CEP112: variants seen among roughly 807,000 people sequenced by gnomAD.
The protein encoded by CEP112 is centrosomal protein 112, also known as centrosomal protein of 112 kDa.
In CEP112, 127 loss-of-function variants were observed where a neutral mutation model predicts 153.0. The observed-to-expected ratio is 0.83, with a 90% CI of 0.72 to 0.96. The LOEUF (loss-of-function observed/expected upper bound fraction) is 0.96. CEP112 is among the 40% of genes least tolerant of loss of function. The probability of loss-of-function intolerance (pLI) is 0.00; values close to 1 mark genes in which losing one functional copy is unlikely to be tolerated. For synonymous variants in CEP112, 358 were observed against 374.4 expected (o/e 0.96, Z 0.51); for missense variants, 1,089 against 1,101.2 (o/e 0.99, Z 0.16).
chr17:66,142,468 C>T lies in CEP112; in HGVS notation c.471-9705G>A, dbSNP rs114952602. Among the ~76,000 whole-genome samples, 1,267 of 152,212 alleles carry T rather than the reference C, an allele frequency of 8.3e-3. 16 individuals carry two copies. Among genetic ancestry groups the T allele is most frequent in the African/African-American group, 0.029 (1,208 of 41,532 alleles). On this transcript the variant is annotated intron_variant, in intron 4 of 26. Transcript: ENST00000535342. The stretch of plus-strand genomic sequence containing the variant: ...CTTTCCCCCTACGTTTTCTTCTAGT[C>T]GTTTACAGTTTCAGATCTTATGTTT...
At chr17:65,890,082 T>C (rs1002780384) in intron 20 of CEP112, among the ~76,000 whole-genome samples, 1 of 152,222 alleles carries the variant, frequency 6.6e-6, no homozygotes, top group Non-Finnish European at 1.5e-5. Flanking sequence ...AAGTAAGTAT[T>C]TTTAAAGACA....
Position 66,132,757 on chromosome 17 carries a change from T to TC in CEP112, c.476_477insG (p.Gln160ThrfsTer30). On this transcript the variant is annotated frameshift_variant, in exon 5 of 27. Transcript: ENST00000535342. LOFTEE classifies it high-confidence loss of function. ...TCACTCGGAGCTTCCCAGTGTACTG[T>TC]TCCCTGCTAAGAGACCAAAATAATC... 6.2e-7 allele frequency: 1 copy of TC among 1,611,750 alleles called. No homozygotes were observed. The highest frequency in any genetic ancestry group is 2.2e-5 in the East Asian group (1 of 44,874).
Position 66,175,112 on chromosome 17 carries a change from T to C in CEP112, c.402A>G (p.Leu134=). The change falls in exon 4 of 27, where the codon TTA becomes TTG. Residue 134 remains leucine, a synonymous_variant. Transcript: ENST00000535342. ...CAGAAGAGAGTTTCCATGATTCATT[T>C]AATTTGTGTTCACTTGTCTCCAGCT... is the stretch of plus-strand genomic sequence containing the variant. ...LGELETSEHK[L]NESWKLSSGE... The C allele has an allele frequency of 6.2e-7, 1 of 1,613,436 alleles. No individual in the cohort carries two copies. Among genetic ancestry groups the C allele is most frequent in the Non-Finnish European group, 8.5e-7 (1 of 1,179,672 alleles).
chr17:65,760,226 C>T (rs1366957110), intron 21 of CEP112, among the ~76,000 whole-genome samples: 1 of 152,102 alleles, frequency 6.6e-6, no homozygotes, highest in African/African-American at 2.4e-5. Context: ...CTATTTCTTC[C>T]TTTCCAATCT....
intron 23 of CEP112, among the ~76,000 whole-genome samples, chr17:65,711,050 A>G (rs539135531): frequency 6.6e-6 from 1 of 152,350 alleles, no homozygotes; most frequent in African/African-American, 2.4e-5. Flanking sequence ...TGGGTGGCGA[A>G]CTGGAGCTTC....
chr17:66,015,374 C>T (rs1044705193), intron 16 of CEP112, among the ~76,000 whole-genome samples: 2 of 132,236 alleles, frequency 1.5e-5, no homozygotes, highest in Non-Finnish European at 3.3e-5. Context: ...AGTACTTTTT[C>T]GTTCTTGAGT....
At chr17:65,708,983 G>A (rs1257378986) in intron 23 of CEP112, among the ~76,000 whole-genome samples, 3 of 152,078 alleles carry the variant, frequency 2.0e-5, no homozygotes. Context: ...GTTCTCCTCT[G>A]GGAGTATCCC....
At chr17:65,647,091 A>T (rs909614607) in intron 24 of CEP112, among the ~76,000 whole-genome samples, 19 of 152,184 alleles carry the variant, frequency 1.2e-4, no homozygotes, top group African/African-American at 4.3e-4. Context: ...AGTGAAGGAT[A>T]CATGTAAATT....
chr17:65,691,339 T>C (rs1392496349), intron 23 of CEP112, among the ~76,000 whole-genome samples: 1 of 152,202 alleles, frequency 6.6e-6, no homozygotes, highest in African/African-American at 2.4e-5. Context: ...TCTTAACCTT[T>C]TGGGAGGTTC....
At chr17:65,995,663 T>C (rs1418931619) in intron 17 of CEP112, among the ~76,000 whole-genome samples, 1 of 152,202 alleles carries the variant, frequency 6.6e-6, no homozygotes, top group Non-Finnish European at 1.5e-5. Context: ...AATTTATCTC[T>C]CAAGTTTTAT....
intron 4 of CEP112, among the ~76,000 whole-genome samples, chr17:66,137,170 G>T (rs2070471586): frequency 6.6e-6 from 1 of 152,078 alleles, no homozygotes; most frequent in African/African-American, 2.4e-5. Flanking sequence ...AGAAAAATTT[G>T]AGGGCTGAAG....
chr17:65,739,707 G>A (rs1012801803), intron 23 of CEP112, among the ~76,000 whole-genome samples: 14 of 151,920 alleles, frequency 9.2e-5, no homozygotes, highest in Non-Finnish European at 1.9e-4. Context: ...CTGCACTCCA[G>A]CCTGGGCAAC....
At chr17:65,969,855 A>C (rs948799725) in intron 17 of CEP112, among the ~76,000 whole-genome samples, 2 of 152,218 alleles carry the variant, frequency 1.3e-5, no homozygotes, top group East Asian at 1.9e-4. Flanking sequence ...TATAGCATGC[A>C]TGCAAATTAC....
intron 6 of CEP112, among the ~76,000 whole-genome samples, chr17:66,102,680 C>CCTAGCTA (rs1348349925): frequency 6.6e-6 from 1 of 151,346 alleles, no homozygotes; most frequent in African/African-American, 2.4e-5. Flanking sequence ...CACCTGTAGT[C>CCTAGCTA]CTAGCTACTC....
intron 17 of CEP112, among the ~76,000 whole-genome samples, chr17:65,992,573 T>C (rs1267020380): frequency 1.3e-5 from 2 of 152,140 alleles, no homozygotes; most frequent in African/African-American, 4.8e-5. Flanking sequence ...AGTCTAAAAT[T>C]TCTGCTTACT....
chr17:65,816,777 T>C (rs1359668004), intron 21 of CEP112, among the ~76,000 whole-genome samples: 1 of 152,034 alleles, frequency 6.6e-6, no homozygotes, highest in Non-Finnish European at 1.5e-5. Context: ...TATCTAGTTT[T>C]GTTATCAGGA....
At chr17:65,915,541 T>C (rs185267260) in intron 19 of CEP112, among the ~76,000 whole-genome samples, 1 of 152,032 alleles carries the variant, frequency 6.6e-6, no homozygotes, top group Non-Finnish European at 1.5e-5. Flanking sequence ...ATCCCAGCAC[T>C]TTGGGAGGCT....
chr17:65,805,089 C>A (rs2055518951), intron 21 of CEP112, among the ~76,000 whole-genome samples: 1 of 151,990 alleles, frequency 6.6e-6, no homozygotes, highest in Admixed American at 6.6e-5. Context: ...GCTCAAGTGA[C>A]CTGGCCACTT....
chr17:65,969,687 G>C (rs948876480), intron 17 of CEP112, among the ~76,000 whole-genome samples: 3 of 152,110 alleles, frequency 2.0e-5, no homozygotes, highest in Non-Finnish European at 2.9e-5. Flanking sequence ...CATGTGTATT[G>C]TATGCATATT....
Sources: gnomAD v4.1 joint callset for allele counts (sites outside exome capture counted in the v4.1 genomes callset) on GRCh38, gnomAD v4.1.1 for gene constraint, MANE v1.5 for transcripts, NCBI Gene and HGNC (gene_info 2026-07-23, HGNC 2026-07-21) for gene names.